PCDH15: variants seen among roughly 807,000 people sequenced by gnomAD.
PCDH15 encodes protocadherin-15.
A neutral mutation model predicts 178.5 loss-of-function variants in PCDH15; 129 were observed. That is an observed-to-expected ratio of 0.72 (90% confidence interval 0.63 to 0.84). PCDH15 has a LOEUF of 0.84. Ranked by LOEUF, PCDH15 falls within the 40% of genes least tolerant of loss-of-function variation. PCDH15 has a pLI of 0.00. For missense variants in PCDH15, 2,230 were observed against 2,099.9 expected (o/e 1.06, Z -1.21); for synonymous variants, 800 against 732.0 (o/e 1.09, Z -1.50).
chr10:54,014,772 A>G (rs1445795014), intron 20 of PCDH15, among the ~76,000 whole-genome samples: 1 of 152,154 alleles, frequency 6.6e-6, no homozygotes, highest in African/African-American at 2.4e-5. Flanking sequence ...TAAAATAATA[A>G]AAGCCATCTA....
At chr10:54,949,615 T>G (rs1178344449) in intron 2 of PCDH15, among the ~76,000 whole-genome samples, 1 of 152,020 alleles carries the variant, frequency 6.6e-6, no homozygotes, top group Admixed American at 6.6e-5. Context: ...TTTTCAAATT[T>G]TTATGCTCTG....
rs577722765 is a variant in PCDH15 at position 54,525,997 on chromosome 10, G to T, written c.157+1815C>A. ...TGTGATGACTTAAATAACTCTGGCA[G>T]CTTTCTGAGTAGTTGGCAGTTTCTA... On this transcript the variant is annotated intron_variant, in intron 3 of 37. Transcript: ENST00000644397. Among the ~76,000 whole-genome samples, 28 of 152,294 alleles carry T rather than the reference G, an allele frequency of 1.8e-4. No individual in the cohort carries two copies. In the East Asian group the frequency reaches 4.8e-3, roughly 26 times the overall value.
chr10:55,247,256 T>A (rs184994552), intron 1 of PCDH15, among the ~76,000 whole-genome samples: 2 of 152,192 alleles, frequency 1.3e-5, no homozygotes, highest in African/African-American at 4.8e-5. Context: ...CTATAGGTAG[T>A]TCTAGTTTTC....
intron 3 of PCDH15, among the ~76,000 whole-genome samples, chr10:54,407,290 C>T (rs1048415104): frequency 6.6e-6 from 1 of 151,962 alleles, no homozygotes; most frequent in African/African-American, 2.4e-5. Flanking sequence ...GTGGCAGTTA[C>T]ATGTGTGTAT....
intron 25 of PCDH15, chr10:53,905,087 A>G (rs1371288032): frequency 2.1e-6 from 1 of 475,362 alleles, no homozygotes; most frequent in Non-Finnish European, 4.2e-6. Context: ...CAAATCCTAC[A>G]TGTCAGCCTC....
chr10:54,024,470 G>T (rs2093022184), intron 18 of PCDH15, among the ~76,000 whole-genome samples: 2 of 152,118 alleles, frequency 1.3e-5, no homozygotes, highest in Non-Finnish European at 2.9e-5. Flanking sequence ...TACAGGCAAT[G>T]GTAAAGCATG....
chr10:54,756,378 A>C (rs1047779451), intron 1 of PCDH15, among the ~76,000 whole-genome samples: 23 of 152,200 alleles, frequency 1.5e-4, no homozygotes, highest in African/African-American at 5.5e-4. Flanking sequence ...AGAGCCCATC[A>C]GTCATTTTTT....
chr10:54,449,923 A>G (rs925384807), intron 3 of PCDH15, among the ~76,000 whole-genome samples: 3 of 151,524 alleles, frequency 2.0e-5, no homozygotes, highest in African/African-American at 7.3e-5. Context: ...CAAATTACTT[A>G]TTTCGCCTCT....
intron 14 of PCDH15, among the ~76,000 whole-genome samples, chr10:54,136,306 GT>G (rs1023143487): frequency 1.3e-5 from 2 of 151,484 alleles, no homozygotes. Context: ...AGACTCACCT[GT>G]TTTTTTTAAA....
At chr10:55,322,646 G>C (rs1843928451), upstream of PCDH15, among the ~76,000 whole-genome samples, 1 of 152,080 alleles carries the variant, frequency 6.6e-6, no homozygotes, top group African/African-American at 2.4e-5. Context: ...CCATGCAAAG[G>C]GAATGGTCAC....
chr10:54,483,495 T>G (rs2078870077), intron 3 of PCDH15, among the ~76,000 whole-genome samples: 1 of 151,888 alleles, frequency 6.6e-6, no homozygotes, highest in Non-Finnish European at 1.5e-5. Context: ...CTCCTAATAC[T>G]TCTCATTCTC....
intron 2 of PCDH15, among the ~76,000 whole-genome samples, chr10:54,902,418 A>T (rs1954651655): frequency 6.6e-6 from 1 of 152,084 alleles, no homozygotes; most frequent in Non-Finnish European, 1.5e-5. Flanking sequence ...ATGATTTCTC[A>T]GGAGATCTGG....
At chr10:55,607,901 TA>T (rs879314703) in intron 2 of PCDH15, among the ~76,000 whole-genome samples, 22 of 147,770 alleles carry the variant, frequency 1.5e-4, no homozygotes, top group South Asian at 4.3e-4. Flanking sequence ...AGTATAATAA[TA>T]AAAAAAAATA....
chr10:55,495,655 A>T (rs1468138927), intron 2 of PCDH15, among the ~76,000 whole-genome samples: 1 of 151,842 alleles, frequency 6.6e-6, no homozygotes, highest in Non-Finnish European at 1.5e-5. Context: ...AATGTAAAAG[A>T]TTACAGGTTC....
At chr10:53,929,667 T>G (rs1205402158) in intron 25 of PCDH15, among the ~76,000 whole-genome samples, 5 of 152,144 alleles carry the variant, frequency 3.3e-5, no homozygotes, top group African/African-American at 1.2e-4. Flanking sequence ...GTCAGAAGAA[T>G]GAAATGTATT....
intron 2 of PCDH15, among the ~76,000 whole-genome samples, chr10:54,635,562 A>T (rs1444790106): frequency 1.3e-5 from 2 of 151,876 alleles, no homozygotes; most frequent in Non-Finnish European, 2.9e-5. Flanking sequence ...TACATTAAGC[A>T]TTGTGTTGGG....
At chr10:54,286,595 C>T (rs552645736) in intron 8 of PCDH15, among the ~76,000 whole-genome samples, 8 of 152,160 alleles carry the variant, frequency 5.3e-5, no homozygotes, top group Non-Finnish European at 1.0e-4. Context: ...TTGTTTTGTA[C>T]GTTCAATCCT....
chr10:53,926,310 T>A (rs1333732434), intron 25 of PCDH15, among the ~76,000 whole-genome samples: 1 of 152,214 alleles, frequency 6.6e-6, no homozygotes, highest in Non-Finnish European at 1.5e-5. Flanking sequence ...GCAGTTAATC[T>A]TCCTATCAGT....
intron 3 of PCDH15, among the ~76,000 whole-genome samples, chr10:54,517,950 C>T (rs1209119638): frequency 2.0e-5 from 3 of 152,156 alleles, no homozygotes; most frequent in Non-Finnish European, 4.4e-5. Context: ...ACAACCTGCT[C>T]CTGAATGACT....
Sources: gnomAD v4.1 joint callset for allele counts (sites outside exome capture counted in the v4.1 genomes callset) on GRCh38, gnomAD v4.1.1 for gene constraint, MANE v1.5 for transcripts, NCBI Gene and HGNC (gene_info 2026-07-23, HGNC 2026-07-21) for gene names.